The following KCNJ3 variants were observed in gnomAD, a reference collection of about 807,000 sequenced individuals.
KCNJ3 encodes potassium inwardly rectifying channel subfamily J member 3, also known as G protein-activated inward rectifier potassium channel 1.
A neutral mutation model predicts 39.2 loss-of-function variants in KCNJ3; 4 were observed. That is an observed-to-expected ratio of 0.10 (90% CI 0.05 to 0.23). The LOEUF is 0.23. KCNJ3 is among the 10% of genes least tolerant of loss of function. The pLI is 1.00. For synonymous variants in KCNJ3, 230 were observed against 237.4 expected (o/e 0.97, Z 0.29); for missense variants, 276 against 634.9 (o/e 0.43, Z 6.08).
chr2:154,825,673 T>C (rs1687259068), intron 2 of KCNJ3, among the ~76,000 whole-genome samples: 1 of 151,922 alleles, frequency 6.6e-6, no homozygotes, highest in Non-Finnish European at 1.5e-5. Flanking sequence ...CCTCCCAGAC[T>C]TAAAGTGATC....
intron 2 of KCNJ3, among the ~76,000 whole-genome samples, chr2:154,753,518 A>C (rs1354199085): frequency 6.6e-6 from 1 of 152,144 alleles, no homozygotes; most frequent in East Asian, 1.9e-4. Context: ...TTCAATTTTC[A>C]GTGGAATTAC....
intron 2 of KCNJ3, among the ~76,000 whole-genome samples, chr2:154,732,248 C>A (rs1473880756): frequency 6.6e-6 from 1 of 152,020 alleles, no homozygotes; most frequent in East Asian, 1.9e-4. Context: ...TTTTTTATTT[C>A]TAAATGTCTT....
chr2:154,705,414 C>T (rs759736685), intron 1 of KCNJ3, among the ~76,000 whole-genome samples: 10 of 152,024 alleles, frequency 6.6e-5, no homozygotes, highest in Non-Finnish European at 1.2e-4. Context: ...TGAAGACTGT[C>T]GGCAAAATAC....
intron 2 of KCNJ3, among the ~76,000 whole-genome samples, chr2:154,766,579 C>A (rs750141562): frequency 6.6e-6 from 1 of 151,666 alleles, no homozygotes; most frequent in Non-Finnish European, 1.5e-5. Context: ...TTTTTTGAGA[C>A]GGAATCTCAC....
intron 2 of KCNJ3, among the ~76,000 whole-genome samples, chr2:154,814,385 C>A (rs189117802): frequency 1.9e-3 from 295 of 152,142 alleles, no homozygotes; most frequent in Non-Finnish European, 3.2e-3. Flanking sequence ...TGCGTGTAAT[C>A]CTAACACTTT....
chr2:154,852,798 A>C (rs893524786), intron 2 of KCNJ3, among the ~76,000 whole-genome samples: 26 of 152,206 alleles, frequency 1.7e-4, no homozygotes, highest in Non-Finnish European at 3.2e-4. Context: ...TTAATGTTTT[A>C]AAACTAATTT....
chr2:154,819,623 C>CGGGT (rs965753707), intron 2 of KCNJ3, among the ~76,000 whole-genome samples: 1 of 151,892 alleles, frequency 6.6e-6, no homozygotes, highest in African/African-American at 2.4e-5. Flanking sequence ...CTCTGCCTCC[C>CGGGT]GGGTTCAAGC....
chr2:154,823,869 A>T (rs1028109659), intron 2 of KCNJ3, among the ~76,000 whole-genome samples: 4 of 152,086 alleles, frequency 2.6e-5, no homozygotes, highest in African/African-American at 4.8e-5. Context: ...CTTTGATCTT[A>T]TGACTTTTTA....
At chr2:154,768,637 C>T (rs1686178077) in intron 2 of KCNJ3, among the ~76,000 whole-genome samples, 1 of 152,036 alleles carries the variant, frequency 6.6e-6, no homozygotes, top group Non-Finnish European at 1.5e-5. Flanking sequence ...TCCAGCTGTG[C>T]TCTTTTGGCT....
intron 2 of KCNJ3, among the ~76,000 whole-genome samples, chr2:154,789,844 G>GT (rs1341735552): frequency 6.6e-6 from 1 of 152,000 alleles, no homozygotes; most frequent in Non-Finnish European, 1.5e-5. Flanking sequence ...TTCAAAAATG[G>GT]TGCAATGGGG....
At chr2:154,730,657 A>G (rs1685434092) in intron 2 of KCNJ3, among the ~76,000 whole-genome samples, 1 of 152,110 alleles carries the variant, frequency 6.6e-6, no homozygotes, top group South Asian at 2.1e-4. Context: ...TTAACTACCA[A>G]TGAATTTTGC....
intron 2 of KCNJ3, among the ~76,000 whole-genome samples, chr2:154,812,633 C>G (rs1026973224): frequency 6.6e-6 from 1 of 152,076 alleles, no homozygotes; most frequent in South Asian, 2.1e-4. Flanking sequence ...AGAGTAACCC[C>G]CTTCTTTTAG....
chr2:154,799,529 C>G lies in KCNJ3; in HGVS notation c.920-55198C>G, dbSNP rs188379412. 7.9e-5 allele frequency among the ~76,000 whole-genome samples: 12 copies of G among 152,234 alleles called. 1 individual carries two copies. In the East Asian group the frequency reaches 2.3e-3, roughly 29 times the overall value. On this transcript the variant is annotated intron_variant, in intron 2 of 2. Transcript: ENST00000295101. ...GGAGAAGTCAATGGTCTAATCAACT[C>G]CAAGATGTTTCCAAGGCTTTGCATG... is the stretch of plus-strand genomic sequence containing the variant.
chr2:154,789,401 G>A (rs1686588932), intron 2 of KCNJ3, among the ~76,000 whole-genome samples: 1 of 151,946 alleles, frequency 6.6e-6, no homozygotes, highest in African/African-American at 2.4e-5. Flanking sequence ...GACTTTATTA[G>A]GAATTAGAAG....
chr2:154,798,478 A>C (rs1211316105), intron 2 of KCNJ3, among the ~76,000 whole-genome samples: 1 of 152,192 alleles, frequency 6.6e-6, no homozygotes, highest in Non-Finnish European at 1.5e-5. Context: ...ATATTTCTTA[A>C]AACAAAGTAG....
intron 2 of KCNJ3, among the ~76,000 whole-genome samples, chr2:154,789,332 A>AACACAAAG (rs1164327967): frequency 6.6e-6 from 1 of 152,032 alleles, no homozygotes. Flanking sequence ...ATATGAGGAA[A>AACACAAAG]ACACAAAGAA....
intron 2 of KCNJ3, among the ~76,000 whole-genome samples, chr2:154,841,152 G>T (rs1007156118): frequency 1.3e-5 from 2 of 152,168 alleles, no homozygotes; most frequent in African/African-American, 4.8e-5. Context: ...AAGGGCTGTT[G>T]AATTTTGTTA....
Position 154,764,893 on chromosome 2 carries a change from G to C in KCNJ3, c.919+55074G>C, listed in dbSNP as rs183252492. ...TGCCCCATGCTTTTTGTATTTCAAA[G>C]CCTTTGCACATATTGTTTGCTCTAG... On this transcript the variant is annotated intron_variant, in intron 2 of 2. Transcript: ENST00000295101. Among the ~76,000 whole-genome samples, 712 of 152,196 alleles carry C rather than the reference G, an allele frequency of 4.7e-3. 6 individuals carry two copies. Among genetic ancestry groups the C allele is most frequent in the African/African-American group, 0.016 (668 of 41,526 alleles).
chr2:154,762,281 A>G (rs1206003669), intron 2 of KCNJ3, among the ~76,000 whole-genome samples: 2 of 152,232 alleles, frequency 1.3e-5, no homozygotes, highest in Non-Finnish European at 2.9e-5. Flanking sequence ...GATTCAACGT[A>G]ATAATAAAAA....
Sources: gnomAD v4.1 joint callset for allele counts (sites outside exome capture counted in the v4.1 genomes callset) on GRCh38, gnomAD v4.1.1 for gene constraint, MANE v1.5 for transcripts, NCBI Gene and HGNC (gene_info 2026-07-23, HGNC 2026-07-21) for gene names.